GMDS: variants seen among roughly 807,000 people sequenced by gnomAD.
GMDS encodes GDP-mannose 4,6-dehydratase, also known as GDP-mannose 4,6 dehydratase.
Under a neutral mutation model 49.9 loss-of-function variants are expected in GMDS, and 20 were observed. That is an observed-to-expected ratio of 0.40 (90% CI 0.28 to 0.58). The LOEUF is 0.58. Among genes scored for constraint, GMDS ranks in the 20% least tolerant of loss-of-function variants. GMDS has a pLI of 0.42. For synonymous variants in GMDS, 177 were observed against 178.6 expected (o/e 0.99, Z 0.07); for missense variants, 362 against 481.4 (o/e 0.75, Z 2.32).
chr6:2,222,102 G>C (rs3800188), intron 1 of GMDS, among the ~76,000 whole-genome samples: 1 of 152,210 alleles, frequency 6.6e-6, no homozygotes, highest in Admixed American at 6.5e-5. Context: ...AGCTGGAAGC[G>C]ACTAGTATGC....
intron 7 of GMDS, among the ~76,000 whole-genome samples, chr6:1,769,786 G>A (rs1028845579): frequency 1.3e-5 from 2 of 151,878 alleles, no homozygotes; most frequent in East Asian, 3.9e-4. Flanking sequence ...ACCAAAAAAT[G>A]CGTGATCTCT....
intron 7 of GMDS, among the ~76,000 whole-genome samples, chr6:1,869,853 CA>C (rs1758638881): frequency 6.6e-6 from 1 of 152,212 alleles, no homozygotes; most frequent in South Asian, 2.1e-4. Context: ...GCTACTGTTA[CA>C]AAAGCAGGGA....
chr6:2,183,000 G>A (rs556008823), intron 1 of GMDS, among the ~76,000 whole-genome samples: 2 of 152,194 alleles, frequency 1.3e-5, no homozygotes, highest in South Asian at 2.1e-4. Context: ...GAGCCACCAC[G>A]CCCAGACAAA....
intron 9 of GMDS, among the ~76,000 whole-genome samples, chr6:1,667,097 C>G (rs1031098390): frequency 6.6e-6 from 1 of 152,230 alleles, no homozygotes; most frequent in African/African-American, 2.4e-5. Flanking sequence ...CTACCATTGA[C>G]TCAATGAGGA....
At chr6:1,717,220 T>C (rs185702566) in intron 9 of GMDS, among the ~76,000 whole-genome samples, 195 of 152,346 alleles carry the variant, frequency 1.3e-3, no homozygotes, top group African/African-American at 4.6e-3. Flanking sequence ...TGGGTAGTTT[T>C]AAGCCACTAA....
intron 7 of GMDS, among the ~76,000 whole-genome samples, chr6:1,768,508 A>T (rs527863838): frequency 3.3e-5 from 5 of 152,254 alleles, no homozygotes; most frequent in Non-Finnish European, 7.3e-5. Flanking sequence ...CCAAGGAGGT[A>T]CTACGTTTAC....
At position 1,827,505 on chromosome 6, in the gene GMDS, G is replaced by C. The variant is rs1050718758; in HGVS notation, c.772-84919C>G. 2.0e-5 allele frequency among the ~76,000 whole-genome samples: 3 copies of C among 151,594 alleles called. No homozygotes were observed. The South Asian group carries it at 6.3e-4, about 32-fold the overall frequency. On this transcript the variant is annotated intron_variant, in intron 7 of 10. Coordinates refer to ENST00000380815, the MANE Select transcript of GMDS (RefSeq NM_001500.4). The stretch of plus-strand genomic sequence containing the variant: ...TTTTGGAAAACCTGTATATACACAC[G>C]TTTTGGAAAAGTCCTAAGGTAGATT...
chr6:1,909,433 C>T (rs951447071), intron 7 of GMDS, among the ~76,000 whole-genome samples: 13 of 152,210 alleles, frequency 8.5e-5, no homozygotes, highest in African/African-American at 3.1e-4. Context: ...CCTATGTCAA[C>T]AACCAGATGC....
intron 6 of GMDS, among the ~76,000 whole-genome samples, chr6:1,941,458 G>C (rs1762821276): frequency 6.6e-6 from 1 of 152,178 alleles, no homozygotes; most frequent in Non-Finnish European, 1.5e-5. Flanking sequence ...ATCCAGGAGG[G>C]AGTGATCACC....
chr6:1,921,141 C>T (rs569893761), intron 7 of GMDS, among the ~76,000 whole-genome samples: 1 of 152,320 alleles, frequency 6.6e-6, no homozygotes, highest in African/African-American at 2.4e-5. Context: ...ATACCTAACC[C>T]ATTTTATATG....
At chr6:2,173,595 C>A (rs1778127004) in intron 1 of GMDS, among the ~76,000 whole-genome samples, 2 of 152,142 alleles carry the variant, frequency 1.3e-5, no homozygotes, top group African/African-American at 4.8e-5. Context: ...TGAAGTTATA[C>A]AGAGAAGTAG....
intron 4 of GMDS, among the ~76,000 whole-genome samples, chr6:2,006,422 T>C (rs1407918173): frequency 6.6e-6 from 1 of 152,062 alleles, no homozygotes; most frequent in Non-Finnish European, 1.5e-5. Context: ...AGCAAGATCC[T>C]GTCTCCAGAA....
intron 7 of GMDS, among the ~76,000 whole-genome samples, chr6:1,847,995 T>A (rs1416927507): frequency 6.6e-6 from 1 of 152,050 alleles, no homozygotes; most frequent in Non-Finnish European, 1.5e-5. Flanking sequence ...AGCCAAACCA[T>A]GGGTGCTGGA....
intron 1 of GMDS, among the ~76,000 whole-genome samples, chr6:2,162,166 C>G (rs769381298): frequency 6.6e-6 from 1 of 152,142 alleles, no homozygotes; most frequent in Admixed American, 6.6e-5. Flanking sequence ...CATTCCAATG[C>G]CTATTTTAAA....
intron 6 of GMDS, among the ~76,000 whole-genome samples, chr6:1,941,023 G>A (rs866659975): frequency 9.9e-5 from 15 of 151,708 alleles, no homozygotes; most frequent in South Asian, 6.3e-4. Context: ...TGAGAACCAT[G>A]GCCTTAGTCA....
chr6:1,879,503 T>C (rs974881609), intron 7 of GMDS, among the ~76,000 whole-genome samples: 1 of 152,122 alleles, frequency 6.6e-6, no homozygotes. Context: ...TAAGCCAATA[T>C]AGGCATTTTT....
intron 4 of GMDS, among the ~76,000 whole-genome samples, chr6:2,087,912 G>A (rs528587218): frequency 9.5e-4 from 144 of 152,116 alleles, no homozygotes; most frequent in Non-Finnish European, 1.9e-3. Context: ...ACATTATTGC[G>A]CATCTTCTGT....
At chr6:1,989,619 T>G (rs538729602) in intron 4 of GMDS, among the ~76,000 whole-genome samples, 1 of 152,354 alleles carries the variant, frequency 6.6e-6, no homozygotes, top group South Asian at 2.1e-4. Context: ...CCTAGAACAC[T>G]GTGGGCACTA....
intron 4 of GMDS, among the ~76,000 whole-genome samples, chr6:2,096,343 G>T (rs1010573841): frequency 6.6e-6 from 1 of 152,086 alleles, no homozygotes; most frequent in African/African-American, 2.4e-5. Flanking sequence ...TATATTTTAT[G>T]ATTTCCAAGT....
Sources: allele counts gnomAD v4.1 joint callset (sites outside exome capture counted in the v4.1 genomes callset), GRCh38; gene constraint gnomAD v4.1.1; transcripts MANE v1.5; gene names NCBI Gene and HGNC (gene_info 2026-07-23, HGNC 2026-07-21).